Variants in F2R observed in about 807,000 individuals in gnomAD.
F2R encodes the protein coagulation factor II thrombin receptor.
A neutral mutation model predicts 18.3 loss-of-function variants in F2R; 12 were observed. The observed-to-expected ratio is 0.66, with a 90% CI of 0.42 to 1.06. The LOEUF (loss-of-function observed/expected upper bound fraction) is 1.06. F2R is among the 50% of genes least tolerant of loss of function. The pLI, the probability that F2R is intolerant of heterozygous loss-of-function variation, is 0.00. For synonymous variants in F2R, 210 were observed against 219.9 expected, an observed-to-expected ratio of 0.95 and a Z score of 0.40; for missense variants, 438 against 530.8, an observed-to-expected ratio of 0.83 and a Z score of 1.72.
Position 76,733,499 on chromosome 5 carries a change from C to G in F2R, c.1274C>G (p.Thr425Ser). ...AACAGCATATACAAAAAGCTGTTAA[C>G]TTAGGAAAAGGGACTGCTGGGAGGT... is the stretch of plus-strand genomic sequence containing the variant. ...LNNSIYKKLLT is the reference protein window; with the variant it reads ...LNNSIYKKLLS Residue 425 changes from threonine (T) to serine (S), a missense_variant, in exon 2 of 2, where the codon ACT (threonine) becomes AGT (serine). Coordinates refer to ENST00000319211, the MANE Select transcript of F2R (RefSeq NM_001992.5). 6.2e-7 allele frequency: 1 copy of G among 1,604,388 alleles called. No homozygotes were observed. Among genetic ancestry groups the G allele is most frequent in the Non-Finnish European group, 8.5e-7 (1 of 1,175,914 alleles).
At position 76,732,839 on chromosome 5, in the gene F2R, T is replaced by C. The variant is rs1365811311; in HGVS notation, c.614T>C (p.Val205Ala). ...AGCATTGACCGGTTTCTGGCTGTGGTGTATCCCATGCAGTCCCTCTCCTGG... is the reference window on the plus strand; with the variant it reads ...AGCATTGACCGGTTTCTGGCTGTGGCGTATCCCATGCAGTCCCTCTCCTGG... ...VISIDRFLAV[V>A]YPMQSLSWRT... Residue 205 changes from valine (V) to alanine (A), a missense_variant, in exon 2 of 2, where the codon GTG becomes GCG. By Grantham distance (64) the Val-to-Ala change is moderately conservative. Transcript: ENST00000319211. 1.2e-5 allele frequency: 19 copies of C among 1,614,204 alleles called. No homozygotes were observed. Among genetic ancestry groups the C allele is most frequent in the Non-Finnish European group, 1.6e-5 (19 of 1,180,050 alleles).
chr5:76,725,823 C>T (rs554643687), intron 1 of F2R, among the ~76,000 whole-genome samples: 37 of 152,308 alleles, frequency 2.4e-4, no homozygotes, highest in Non-Finnish European at 4.1e-4. Context: ...TGCCTGAGGC[C>T]TACCCAGAGA....
chr5:76,732,274 C>A, intron 1 of F2R, 40 bp from the exon 2 acceptor site: 1 of 1,490,298 alleles, frequency 6.7e-7, no homozygotes, highest in South Asian at 1.3e-5. Flanking sequence ...TTGATGCGTT[C>A]ACTTTTTACA....
chr5:76,727,812 A>G (rs556863111), intron 1 of F2R, among the ~76,000 whole-genome samples: 1 of 109,428 alleles, frequency 9.1e-6, no homozygotes, highest in Admixed American at 1.0e-4. Context: ...CAAAATCCTT[A>G]TCTGCTAATT....
In F2R at chr5:76,733,673, C is replaced by A; in HGVS notation, c.*170C>A. 1 of 597,192 alleles carries A rather than the reference C, an allele frequency of 1.7e-6. No individual in the cohort carries two copies. The highest frequency in any genetic ancestry group is 2.1e-5 in the South Asian group (1 of 46,630). The allele number at this position is 597,192 out of a possible 1,614,324, so 37.0% of individuals were successfully genotyped here. A position where few individuals can be genotyped will look rare whatever the true frequency, so the allele number is the denominator to read the frequency against. ...TCAAGCATGTATTTTTGTCAATTAC[C>A]AGAAAGATAACAGGACGAGATGACG... is the stretch of plus-strand genomic sequence containing the variant. On this transcript the variant is annotated 3_prime_UTR_variant, in exon 2 of 2. Coordinates refer to ENST00000319211, the MANE Select transcript of F2R (RefSeq NM_001992.5).
intron 1 of F2R, among the ~76,000 whole-genome samples, chr5:76,718,617 C>T (rs546493258): frequency 5.3e-5 from 8 of 152,210 alleles, no homozygotes. Flanking sequence ...CTCATTCTCC[C>T]AACTAAGATT....
In F2R at chr5:76,716,388, C is replaced by T; in HGVS notation, c.81C>T (p.Arg27=). ...TGTTGTCTGCCCGCACCCGGGCCCG[C>T]AGGCCAGGTGAGAGATGCACGGGAA... The part of the protein sequence containing the change: ...GPLLSARTRA[R]RPESKATNAT... Residue 27 remains arginine (R), a synonymous_variant, in exon 1 of 2, where the codon CGC becomes CGT. Transcript: ENST00000319211. 1 of 1,449,770 alleles carries T rather than the reference C, an allele frequency of 6.9e-7. No individual in the cohort carries two copies. The highest frequency in any genetic ancestry group is 9.0e-7 in the Non-Finnish European group (1 of 1,105,058). The allele number at this position is 1,449,770 out of a possible 1,614,324, so 89.8% of individuals were successfully genotyped here. A position where few individuals can be genotyped will look rare whatever the true frequency, so the allele number is the denominator to read the frequency against.
chr5:76,726,567 G>A (rs1029570842), intron 1 of F2R, among the ~76,000 whole-genome samples: 2 of 151,908 alleles, frequency 1.3e-5, no homozygotes, highest in Non-Finnish European at 2.9e-5. Context: ...TGGGCATGGC[G>A]GTGCGTGCTT....
At chr5:76,723,680 C>A (rs1408364626) in intron 1 of F2R, among the ~76,000 whole-genome samples, 6 of 152,310 alleles carry the variant, frequency 3.9e-5, no homozygotes, top group African/African-American at 9.6e-5. Flanking sequence ...CATGCAAGAA[C>A]ATTTTCCCCT....
chr5:76,732,798 G>A lies in F2R; in HGVS notation c.573G>A (p.Leu191=). 1 of 1,614,110 alleles carries A rather than the reference G, an allele frequency of 6.2e-7. No individual in the cohort carries two copies. Among genetic ancestry groups the A allele is most frequent in the Non-Finnish European group, 8.5e-7 (1 of 1,180,040 alleles). Residue 191 remains leucine (L), a synonymous_variant, in exon 2 of 2, where the codon TTG becomes TTA. Transcript: ENST00000319211. The part of the protein sequence containing the change: ...AFYCNMYASI[L]LMTVISIDRF... ...ACTGTAACATGTACGCCTCTATCTT[G>A]CTCATGACAGTCATAAGCATTGACC...
At chr5:76,716,428 G>T in intron 1 of F2R, 33 bp downstream of exon 1, 1 of 1,400,972 alleles carries the variant, frequency 7.1e-7, no homozygotes, top group Non-Finnish European at 9.3e-7. Flanking sequence ...GTGCGCGGGC[G>T]GAGGGACGCC....
chr5:76,723,950 CATATT>C (rs1472416234), intron 1 of F2R, among the ~76,000 whole-genome samples: 1 of 152,212 alleles, frequency 6.6e-6, no homozygotes, highest in East Asian at 1.9e-4. Context: ...TCCCAGATAT[CATATT>C]ATGTCATTCA....
chr5:76,722,441 G>C (rs1333795577), intron 1 of F2R, among the ~76,000 whole-genome samples: 2 of 152,212 alleles, frequency 1.3e-5, no homozygotes, highest in East Asian at 1.9e-4. Context: ...CCTCCAGGCT[G>C]CTCCAAGCAA....
intron 1 of F2R, among the ~76,000 whole-genome samples, chr5:76,720,999 A>G (rs37247): frequency 1 from 152,228 of 152,286 alleles, 76,086 homozygotes; most frequent in Middle Eastern, 1. Context: ...TAGAGACGAG[A>G]TTTTATCACA....
intron 1 of F2R, among the ~76,000 whole-genome samples, chr5:76,721,020 T>G (rs1048133942): frequency 6.6e-6 from 1 of 152,200 alleles, no homozygotes; most frequent in South Asian, 2.1e-4. Flanking sequence ...CTGCCCAGGC[T>G]GTTCTCAAAC....
chr5:76,735,491 A>T lies in F2R; in HGVS notation c.*1988A>T, dbSNP rs957249405. 5 of 152,092 alleles carry T rather than the reference A, an allele frequency of 3.3e-5. No homozygotes were observed. The highest frequency in any genetic ancestry group is 6.5e-5 in the Admixed American group (1 of 15,280). 9.4% of individuals were successfully genotyped at this position (152,092 alleles called of 1,614,324 possible). On this transcript the variant is annotated 3_prime_UTR_variant, in exon 2 of 2. Coordinates refer to ENST00000319211, the MANE Select transcript of F2R (RefSeq NM_001992.5). Reference sequence around the variant, plus strand: ...TCCATCTCAAAAAATAAAAATAAATAAAAAATAAAAAAATAAAAGAGCAAA... The same window carrying T: ...TCCATCTCAAAAAATAAAAATAAATTAAAAATAAAAAAATAAAAGAGCAAA...
chr5:76,716,409 G>C lies in F2R; in HGVS notation c.88+14G>C. 7.0e-7 allele frequency: 1 copy of C among 1,425,946 alleles called. No homozygotes were observed. Among genetic ancestry groups the C allele is most frequent in the Middle Eastern group, 1.8e-4 (1 of 5,570 alleles). 88.3% of individuals were successfully genotyped at this position (1,425,946 alleles called of 1,614,324 possible). A position where few individuals can be genotyped will look rare whatever the true frequency, so the allele number is the denominator to read the frequency against. On this transcript the variant is annotated intron_variant, in intron 1 of 1. Transcript: ENST00000319211. The stretch of plus-strand genomic sequence containing the variant: ...CCCGCAGGCCAGGTGAGAGATGCAC[G>C]GGAATGGGGTGCGCGGGCGGAGGGA...
intron 1 of F2R, among the ~76,000 whole-genome samples, chr5:76,727,682 T>C (rs1455135290): frequency 6.6e-6 from 1 of 152,212 alleles, no homozygotes; most frequent in East Asian, 1.9e-4. Flanking sequence ...TATTGTATTT[T>C]ATTTTCTATT....
chr5:76,721,426 G>C (rs796963112), intron 1 of F2R, among the ~76,000 whole-genome samples: 26 of 152,226 alleles, frequency 1.7e-4, no homozygotes, highest in African/African-American at 6.3e-4. Flanking sequence ...CCTTGTCGTG[G>C]TACTTGGAGG....
Sources: gnomAD v4.1 joint callset for allele counts (sites outside exome capture counted in the v4.1 genomes callset) on GRCh38, gnomAD v4.1.1 for gene constraint, MANE v1.5 for transcripts, NCBI Gene and HGNC (gene_info 2026-07-23, HGNC 2026-07-21) for gene names.